Variants in ATXN2 observed in about 807,000 individuals in gnomAD.
The protein encoded by ATXN2 is ataxin 2.
Under a neutral mutation model 138.6 loss-of-function variants are expected in ATXN2, and 37 were observed. The observed-to-expected ratio is 0.27, with a 90% CI of 0.21 to 0.35. The LOEUF is 0.35. Among genes scored for constraint, ATXN2 ranks in the 10% least tolerant of loss-of-function variants. ATXN2 has a pLI of 1.00. For missense variants in ATXN2, 1,216 were observed against 1,480.3 expected (o/e 0.82, Z 2.93); for synonymous variants, 549 against 543.7 (o/e 1.01, Z -0.13).
At chr12:111,493,107 G>A (rs1305178561) in intron 14 of ATXN2, among the ~76,000 whole-genome samples, 1 of 152,100 alleles carries the variant, frequency 6.6e-6, no homozygotes, top group Non-Finnish European at 1.5e-5. Context: ...TAGTGAGCTT[G>A]AATTCAGGCT....
chr12:111,472,495 T>C (rs969939881), intron 18 of ATXN2, among the ~76,000 whole-genome samples: 6 of 152,164 alleles, frequency 3.9e-5, no homozygotes, highest in African/African-American at 1.4e-4. Flanking sequence ...TGGGTTACAC[T>C]AACATTAAAA....
intron 5 of ATXN2, among the ~76,000 whole-genome samples, chr12:111,533,860 A>G (rs1880989329): frequency 6.6e-6 from 1 of 152,094 alleles, no homozygotes; most frequent in South Asian, 2.1e-4. Flanking sequence ...TGGTTGGTTG[A>G]ATTCACAGCT....
intron 1 of ATXN2, among the ~76,000 whole-genome samples, chr12:111,564,107 G>A (rs1254146936): frequency 6.6e-6 from 1 of 152,120 alleles, no homozygotes; most frequent in African/African-American, 2.4e-5. Flanking sequence ...CATAGATATA[G>A]CCCCCAAAGG....
intron 10 of ATXN2, among the ~76,000 whole-genome samples, chr12:111,515,391 T>C (rs1291154471): frequency 6.6e-6 from 1 of 152,232 alleles, no homozygotes; most frequent in African/African-American, 2.4e-5. Flanking sequence ...TAAATTAGAA[T>C]GTTACCTTTC....
rs565409569 is a variant in ATXN2 at position 111,485,513 on chromosome 12, T to A, written c.2458-182A>T. ...GGAACAAACCCCAAACTACAGTAAATCTAAACCATCTTTTTCACAGAAAAC... is the reference window on the plus strand; with the variant it reads ...GGAACAAACCCCAAACTACAGTAAAACTAAACCATCTTTTTCACAGAAAAC... On this transcript the variant is annotated intron_variant, in intron 17 of 24. Coordinates refer to ENST00000673436, the MANE Select transcript of ATXN2 (RefSeq NM_001372574.1). Among the ~76,000 whole-genome samples, 5 of 152,230 alleles carry A rather than the reference T, an allele frequency of 3.3e-5. No individual in the cohort carries two copies. The South Asian group carries it at 1.0e-3, about 32-fold the overall frequency.
intron 1 of ATXN2, among the ~76,000 whole-genome samples, chr12:111,596,208 AC>A (rs1304607116): frequency 1.7e-4 from 3 of 17,268 alleles, no homozygotes; most frequent in Admixed American, 7.6e-4. Flanking sequence ...CATCCAAAAC[AC>A]ACACACACAC....
intron 5 of ATXN2, among the ~76,000 whole-genome samples, chr12:111,540,206 C>G (rs1468828698): frequency 1.3e-5 from 2 of 150,312 alleles, no homozygotes; most frequent in African/African-American, 4.8e-5. Flanking sequence ...TTTAATATAT[C>G]TGCATGCATA....
chr12:111,574,393 T>C (rs896694615), intron 1 of ATXN2, among the ~76,000 whole-genome samples: 3 of 151,518 alleles, frequency 2.0e-5, no homozygotes, highest in African/African-American at 7.3e-5. Flanking sequence ...CTGAATTCCG[T>C]ATCTGTCACA....
chr12:111,554,217 T>G lies in ATXN2; in HGVS notation c.289A>C (p.Ile97Leu). Residue 97 changes from isoleucine to leucine, a missense_variant and splice_region_variant, in exon 3 of 25, where the codon ATT becomes CTT. This residue lies in a region of ATXN2 where 401 missense variants were observed against 528.1 expected (regional missense o/e 0.76). Coordinates refer to ENST00000673436, the MANE Select transcript of ATXN2 (RefSeq NM_001372574.1). ...TTTGCATAGATTCCATCAAAAGAAA[T>G]CTGGAATATTAAAAAAAAAAAAAAC... ...NSNKGLPQST[I>L]SFDGIYANMR... The G allele has an allele frequency of 7.2e-7, 1 of 1,396,280 alleles. No homozygotes were observed. The highest frequency in any genetic ancestry group is 9.5e-7 in the Non-Finnish European group (1 of 1,052,882). 86.5% of individuals were successfully genotyped at this position (1,396,280 alleles called of 1,614,324 possible). A position where few individuals can be genotyped will look rare whatever the true frequency, so the allele number is the denominator to read the frequency against.
At chr12:111,473,673 A>C (rs1412807613) in intron 18 of ATXN2, among the ~76,000 whole-genome samples, 1 of 152,186 alleles carries the variant, frequency 6.6e-6, no homozygotes, top group Admixed American at 6.5e-5. Context: ...GGATAGATAA[A>C]ACATCTAGGA....
intron 14 of ATXN2, among the ~76,000 whole-genome samples, chr12:111,505,688 AC>A (rs1879060906): frequency 6.6e-6 from 1 of 152,226 alleles, no homozygotes; most frequent in South Asian, 2.1e-4. Context: ...AAAAGACAAG[AC>A]AATAAGTGTT....
chr12:111,558,836 A>G (rs1882520800), intron 1 of ATXN2, among the ~76,000 whole-genome samples: 1 of 152,012 alleles, frequency 6.6e-6, no homozygotes, highest in Non-Finnish European at 1.5e-5. Flanking sequence ...CAGAAGGGAG[A>G]AATGAATGGG....
intron 14 of ATXN2, among the ~76,000 whole-genome samples, chr12:111,499,612 C>T (rs1241189151): frequency 2.0e-5 from 3 of 151,118 alleles, no homozygotes; most frequent in African/African-American, 7.3e-5. Context: ...AGGTGTAGGG[C>T]GCAGTGAGCC....
intron 1 of ATXN2, among the ~76,000 whole-genome samples, chr12:111,576,018 G>C (rs1449114473): frequency 6.6e-6 from 1 of 151,968 alleles, no homozygotes; most frequent in Non-Finnish European, 1.5e-5. Flanking sequence ...GGAGGCGGAG[G>C]TTGCAGTAAG....
chr12:111,580,590 TCAG>T (rs1883939386), intron 1 of ATXN2, among the ~76,000 whole-genome samples: 1 of 137,150 alleles, frequency 7.3e-6, no homozygotes, highest in South Asian at 2.4e-4. Flanking sequence ...TCATCTGGGC[TCAG>T]GAGTTCAAGG....
chr12:111,573,842 C>A (rs1592916772), intron 1 of ATXN2, among the ~76,000 whole-genome samples: 1 of 149,992 alleles, frequency 6.7e-6, no homozygotes. Context: ...CTTTTCACAT[C>A]ATAGATAGCT....
intron 3 of ATXN2, among the ~76,000 whole-genome samples, chr12:111,553,623 GGTCT>G (rs1478320940): frequency 2.7e-5 from 2 of 75,224 alleles, no homozygotes; most frequent in African/African-American, 1.4e-4. Context: ...TTTGAGAAGG[GGTCT>G]GTCTGGCACT....
intron 14 of ATXN2, among the ~76,000 whole-genome samples, chr12:111,497,361 C>T (rs965433195): frequency 7.9e-5 from 12 of 152,106 alleles, no homozygotes; most frequent in Admixed American, 1.3e-4. Flanking sequence ...AGAGGGAATA[C>T]TTCTAAACTC....
At chr12:111,588,517 G>A (rs946651369) in intron 1 of ATXN2, among the ~76,000 whole-genome samples, 3 of 151,794 alleles carry the variant, frequency 2.0e-5, no homozygotes, top group Non-Finnish European at 4.4e-5. Context: ...AGCTACTCAG[G>A]AGGCTGAGGC....
Sources: gnomAD v4.1 joint callset for allele counts (sites outside exome capture counted in the v4.1 genomes callset) on GRCh38, gnomAD v4.1.1 for gene constraint, gnomAD v4.1.1 regional missense constraint, MANE v1.5 for transcripts, NCBI Gene and HGNC (gene_info 2026-07-23, HGNC 2026-07-21) for gene names.